Variants in SAMSN1 observed in about 807,000 individuals in gnomAD.
The protein encoded by SAMSN1 is SAM domain-containing protein SAMSN-1.
SAMSN1 carries 31 observed loss-of-function variants against 42.0 expected under a neutral mutation model. That is an observed-to-expected ratio of 0.74 (90% CI 0.55 to 1.00). The LOEUF is 1.00. Among genes scored for constraint, SAMSN1 ranks in the 50% least tolerant of loss-of-function variants. SAMSN1 has a pLI of 0.00. For synonymous variants in SAMSN1, 178 were observed against 151.9 expected (o/e 1.17, Z -1.26); for missense variants, 464 against 439.4 (o/e 1.06, Z -0.50).
intron 4 of SAMSN1, among the ~76,000 whole-genome samples, chr21:14,611,091 CA>C (rs1600962481): frequency 1.3e-5 from 2 of 148,676 alleles, no homozygotes; most frequent in African/African-American, 5.2e-5. Context: ...AGGATAGGCA[CA>C]TTTTTTTTTT....
In SAMSN1 at chr21:14,643,063, C is replaced by A. The variant is rs774848633; in HGVS notation, c.95G>T (p.Arg32Ile). 3.2e-5 allele frequency: 23 copies of A among 717,294 alleles called. No individual in the cohort carries two copies. In the South Asian group the frequency reaches 3.3e-4, roughly 10 times the overall value. The allele number at this position is 717,294 out of a possible 1,614,324, so 44.4% of individuals were successfully genotyped here. Residue 32 changes from arginine (R) to isoleucine (I), a missense_variant, in exon 2 of 16, where the codon AGA (arginine) becomes ATA (isoleucine). Coordinates refer to the SAMSN1 transcript ENST00000647101. ...AAAGGGTGGGATAGGAGAATCAGTT[C>A]TACTAGACATGTTTTCTTGGTTAGC...
intron 1 of SAMSN1, among the ~76,000 whole-genome samples, chr21:14,527,450 G>A (rs1978938440): frequency 6.6e-6 from 1 of 152,104 alleles, no homozygotes; most frequent in African/African-American, 2.4e-5. Context: ...CCTCGTCTTC[G>A]ACACTCACGT....
chr21:14,508,114 A>T (rs554110927), intron 5 of SAMSN1, among the ~76,000 whole-genome samples: 1 of 152,366 alleles, frequency 6.6e-6, no homozygotes, highest in African/African-American at 2.4e-5. Context: ...CTAGAAGATA[A>T]CATTGGAAAA....
chr21:14,622,991 C>A (rs970593995), intron 2 of SAMSN1, among the ~76,000 whole-genome samples: 10 of 152,206 alleles, frequency 6.6e-5, no homozygotes, highest in Admixed American at 2.0e-4. Flanking sequence ...AAAGAATTTT[C>A]AACCCAGAAT....
chr21:14,597,389 G>T (rs1982301949), intron 6 of SAMSN1, among the ~76,000 whole-genome samples: 1 of 152,072 alleles, frequency 6.6e-6, no homozygotes, highest in African/African-American at 2.4e-5. Flanking sequence ...AATGGGATGT[G>T]TATGGCCAAT....
At chr21:14,638,269 C>G (rs1983514135) in intron 2 of SAMSN1, among the ~76,000 whole-genome samples, 1 of 152,002 alleles carries the variant, frequency 6.6e-6, no homozygotes, top group South Asian at 2.1e-4. Context: ...CAAATATTAT[C>G]ACTTCATCAA....
chr21:14,593,404 A>G (rs1982151087), intron 7 of SAMSN1, among the ~76,000 whole-genome samples: 1 of 152,062 alleles, frequency 6.6e-6, no homozygotes, highest in Non-Finnish European at 1.5e-5. Context: ...GATGTATGTG[A>G]ATATCCTGGA....
intron 5 of SAMSN1, among the ~76,000 whole-genome samples, chr21:14,504,100 A>T (rs189730198): frequency 3.2e-4 from 49 of 152,256 alleles, no homozygotes; most frequent in African/African-American, 1.2e-3. Context: ...AAGAATCTGA[A>T]CAACAGCCTT....
chr21:14,645,202 T>TG (rs927843155), intron 1 of SAMSN1, among the ~76,000 whole-genome samples: 20 of 152,188 alleles, frequency 1.3e-4, no homozygotes, highest in Admixed American at 2.6e-4. Flanking sequence ...CAGCAGGCCT[T>TG]GGGCAAGACC....
chr21:14,509,926 T>C (rs1034161846), intron 5 of SAMSN1, among the ~76,000 whole-genome samples: 1 of 151,792 alleles, frequency 6.6e-6, no homozygotes, highest in Non-Finnish European at 1.5e-5. Flanking sequence ...GATCACGAGG[T>C]CAGGAGATTG....
At chr21:14,629,388 G>C (rs1365044641) in intron 2 of SAMSN1, among the ~76,000 whole-genome samples, 1 of 152,168 alleles carries the variant, frequency 6.6e-6, no homozygotes, top group Non-Finnish European at 1.5e-5. Context: ...TTAGATGACA[G>C]TCTGTGCATT....
Position 14,602,780 on chromosome 21 carries a change from AG to A in SAMSN1, c.323-682del, listed in dbSNP as rs138560585. ...CCCAACATCACCTGGTCAGCAGACC[AG>A]GGCCGTTTCCTTTCACTTTCACTCC... On this transcript the variant is annotated intron_variant, in intron 5 of 15. Transcript: ENST00000647101. 8.7e-3 allele frequency among the ~76,000 whole-genome samples: 1,327 copies of A among 152,282 alleles called. 25 individuals are homozygous for A. Among genetic ancestry groups the A allele is most frequent in the African/African-American group, 0.031 (1,270 of 41,552 alleles).
intron 2 of SAMSN1, among the ~76,000 whole-genome samples, chr21:14,628,203 T>A (rs184477869): frequency 6.6e-6 from 1 of 152,264 alleles, no homozygotes; most frequent in Non-Finnish European, 1.5e-5. Flanking sequence ...ATAGAAAGAA[T>A]AACTTCTAGT....
intron 5 of SAMSN1, among the ~76,000 whole-genome samples, chr21:14,605,097 A>T (rs1982532263): frequency 6.6e-6 from 1 of 152,246 alleles, no homozygotes; most frequent in African/African-American, 2.4e-5. Context: ...TCAAATACAG[A>T]GGCAGCAAGG....
At chr21:14,500,057 C>T (rs1288981447) in intron 6 of SAMSN1, among the ~76,000 whole-genome samples, 1 of 152,158 alleles carries the variant, frequency 6.6e-6, no homozygotes, top group Non-Finnish European at 1.5e-5. Context: ...CATTATGCGG[C>T]TTGATGATCA....
intron 2 of SAMSN1, among the ~76,000 whole-genome samples, chr21:14,622,547 T>A (rs954249693): frequency 1.9e-4 from 29 of 151,956 alleles, no homozygotes; most frequent in African/African-American, 7.0e-4. Flanking sequence ...ATGAATGAAA[T>A]GAAATGAGAA....
intron 2 of SAMSN1, among the ~76,000 whole-genome samples, chr21:14,559,163 A>G (rs1308862597): frequency 6.6e-6 from 1 of 152,174 alleles, no homozygotes; most frequent in Non-Finnish European, 1.5e-5. Flanking sequence ...AAGAAAAGAA[A>G]CTTTCTTTAC....
chr21:14,573,247 C>CA (rs914704048), intron 2 of SAMSN1, among the ~76,000 whole-genome samples: 58 of 152,304 alleles, frequency 3.8e-4, no homozygotes, highest in African/African-American at 1.4e-3. Flanking sequence ...CTCCCTTCTA[C>CA]AGTCTTACTT....
At chr21:14,492,224 C>T (rs1986722606) in intron 7 of SAMSN1, among the ~76,000 whole-genome samples, 1 of 152,144 alleles carries the variant, frequency 6.6e-6, no homozygotes, top group Non-Finnish European at 1.5e-5. Context: ...TTGTGTTTCA[C>T]GTTATTGCCC....
Sources: allele counts gnomAD v4.1 joint callset (sites outside exome capture counted in the v4.1 genomes callset), GRCh38; gene constraint gnomAD v4.1.1; transcripts MANE v1.5; gene names NCBI Gene and HGNC (gene_info 2026-07-23, HGNC 2026-07-21).